Variants in ENAH observed in about 807,000 individuals in gnomAD.
ENAH encodes protein enabled homolog.
In ENAH, 23 loss-of-function variants were observed where a neutral mutation model predicts 78.7. The observed-to-expected ratio is 0.29, with a 90% CI of 0.21 to 0.41. ENAH has a LOEUF of 0.41. Ranked by LOEUF, ENAH falls within the 10% of genes least tolerant of loss-of-function variation. The pLI is 1.00. For missense variants in ENAH, 544 were observed against 691.0 expected (o/e 0.79, Z 2.39); for synonymous variants, 226 against 241.0 (o/e 0.94, Z 0.58).
At chr1:225,609,472 A>G (rs1176624533) in intron 1 of ENAH, among the ~76,000 whole-genome samples, 5 of 152,068 alleles carry the variant, frequency 3.3e-5, no homozygotes, top group Non-Finnish European at 5.9e-5. Context: ...CGTGGGGAGG[A>G]GAATGTAAAA....
chr1:225,561,153 G>C (rs531937477), intron 2 of ENAH, among the ~76,000 whole-genome samples: 3 of 152,250 alleles, frequency 2.0e-5, no homozygotes, highest in Admixed American at 2.0e-4. Flanking sequence ...AGAAAAGCTT[G>C]AACCAGGGAA....
chr1:225,558,805 T>C (rs2096683553), intron 2 of ENAH, among the ~76,000 whole-genome samples: 9 of 152,120 alleles, frequency 5.9e-5, no homozygotes, highest in Admixed American at 5.9e-4. Context: ...GGCTAATTTT[T>C]TGTATTTTTA....
intron 1 of ENAH, among the ~76,000 whole-genome samples, chr1:225,580,603 G>A (rs925507445): frequency 2.0e-5 from 3 of 151,958 alleles, no homozygotes; most frequent in South Asian, 2.1e-4. Flanking sequence ...TCACTCCCTC[G>A]TGCCTGACCC....
At chr1:225,642,766 C>A (rs1558954258) in intron 1 of ENAH, among the ~76,000 whole-genome samples, 1 of 152,038 alleles carries the variant, frequency 6.6e-6, no homozygotes, top group Non-Finnish European at 1.5e-5. Flanking sequence ...AGAAGAAAAA[C>A]TACACATCTC....
chr1:225,514,142 T>C (rs1442910509), intron 7 of ENAH, among the ~76,000 whole-genome samples: 1 of 152,206 alleles, frequency 6.6e-6, no homozygotes, highest in African/African-American at 2.4e-5. Context: ...ACTATAAAAA[T>C]TTAAATTATG....
intron 3 of ENAH, among the ~76,000 whole-genome samples, chr1:225,554,702 T>C (rs1003903222): frequency 4.6e-5 from 7 of 152,224 alleles, no homozygotes; most frequent in East Asian, 1.9e-4. Flanking sequence ...TTCTAGATTA[T>C]ACATTTATCA....
At chr1:225,522,818 T>C (rs995322806) in intron 4 of ENAH, among the ~76,000 whole-genome samples, 1 of 152,202 alleles carries the variant, frequency 6.6e-6, no homozygotes, top group African/African-American at 2.4e-5. Context: ...CAAATTTAAA[T>C]ACAGAAGCTA....
At chr1:225,523,965 A>G (rs2096487837) in intron 4 of ENAH, among the ~76,000 whole-genome samples, 1 of 152,196 alleles carries the variant, frequency 6.6e-6, no homozygotes, top group Non-Finnish European at 1.5e-5. Context: ...CTGAACCATG[A>G]AAAATCCTGA....
intron 5 of ENAH, among the ~76,000 whole-genome samples, chr1:225,518,709 T>G (rs1316450427): frequency 6.6e-6 from 1 of 152,202 alleles, no homozygotes. Flanking sequence ...TTTCACTAAT[T>G]TTTCATAATA....
intron 10 of ENAH, among the ~76,000 whole-genome samples, chr1:225,509,974 C>T (rs924111439): frequency 7.2e-5 from 11 of 152,118 alleles, no homozygotes; most frequent in African/African-American, 2.4e-4. Context: ...TCAGGTGACT[C>T]GTATGTGTCA....
chr1:225,503,260 C>A (rs2096295408), intron 11 of ENAH, among the ~76,000 whole-genome samples: 1 of 152,084 alleles, frequency 6.6e-6, no homozygotes. Flanking sequence ...TGTGTGAAAG[C>A]AGCAAGATAA....
At chr1:225,522,230 A>G (rs1241696653) in intron 4 of ENAH, among the ~76,000 whole-genome samples, 1 of 152,230 alleles carries the variant, frequency 6.6e-6, no homozygotes, top group East Asian at 1.9e-4. Context: ...CGGTACCAAC[A>G]CACCAGTAAG....
At position 225,519,363 on chromosome 1, in the gene ENAH, GCCGCT is replaced by G; in HGVS notation, c.632_636del (p.Glu211AlafsTer62). 1 of 1,609,100 alleles carries G rather than the reference GCCGCT, an allele frequency of 6.2e-7. No homozygotes were observed. Among genetic ancestry groups the G allele is most frequent in the Non-Finnish European group, 8.5e-7 (1 of 1,177,742 alleles). On this transcript the variant is annotated frameshift_variant, in exon 5 of 14. Coordinates refer to ENST00000366843, the MANE Select transcript of ENAH (RefSeq NM_018212.6). LOFTEE classifies it high-confidence loss of function. The stretch of plus-strand genomic sequence containing the variant: ...CGTTCCTGCCGCTCCAGGCGTTCCT[GCCGCT>G]CCAGGCGTTCCTGCCGCTCCAGGCG...
At chr1:225,634,740 T>G (rs1417350600) in intron 1 of ENAH, among the ~76,000 whole-genome samples, 1 of 152,226 alleles carries the variant, frequency 6.6e-6, no homozygotes, top group Non-Finnish European at 1.5e-5. Context: ...TTTACTGGGC[T>G]CTCTATTCTA....
chr1:225,524,543 A>G, intron 4 of ENAH: 4 of 911,002 alleles, frequency 4.4e-6, no homozygotes, highest in Non-Finnish European at 5.2e-6. Context: ...ATAAAATGTA[A>G]TAAGACAGCT....
chr1:225,640,893 CTT>C (rs61440195), intron 1 of ENAH, among the ~76,000 whole-genome samples: 16 of 130,936 alleles, frequency 1.2e-4, no homozygotes, highest in Middle Eastern at 4.1e-3. Context: ...CAAGTACATA[CTT>C]TTTTTTTTTT....
chr1:225,649,595 C>T (rs1244515505), intron 1 of ENAH, among the ~76,000 whole-genome samples: 1 of 152,066 alleles, frequency 6.6e-6, no homozygotes, highest in East Asian at 1.9e-4. Context: ...CTAAAAGTAC[C>T]AGCTTTTTGG....
chr1:225,542,392 G>A (rs1466164504), intron 3 of ENAH, among the ~76,000 whole-genome samples: 1 of 152,118 alleles, frequency 6.6e-6, no homozygotes, highest in African/African-American at 2.4e-5. Flanking sequence ...GCATTTTTTA[G>A]GTCATGACTC....
chr1:225,602,104 AAAG>A (rs775832080), intron 1 of ENAH, among the ~76,000 whole-genome samples: 3 of 152,104 alleles, frequency 2.0e-5, no homozygotes, highest in Non-Finnish European at 4.4e-5. Flanking sequence ...AGAAAAAGAC[AAAG>A]AAGATCCAAA....
Sources: allele counts gnomAD v4.1 joint callset (sites outside exome capture counted in the v4.1 genomes callset), GRCh38; gene constraint gnomAD v4.1.1; transcripts MANE v1.5; gene names NCBI Gene and HGNC (gene_info 2026-07-23, HGNC 2026-07-21).